HACD3: variants seen among roughly 807,000 people sequenced by gnomAD.
HACD3 encodes the protein very-long-chain (3R)-3-hydroxyacyl-CoA dehydratase 3.
In HACD3, 30 loss-of-function variants were observed where a neutral mutation model predicts 55.2. The observed-to-expected ratio is 0.54, with a 90% CI of 0.41 to 0.74. The LOEUF (loss-of-function observed/expected upper bound fraction) is 0.74, where lower values mean the gene tolerates loss of function less well. HACD3 is among the 30% of genes least tolerant of loss of function. The pLI is 0.00. For missense variants in HACD3, 363 were observed against 440.1 expected (o/e 0.82, Z 1.57); for synonymous variants, 141 against 151.7 (o/e 0.93, Z 0.52).
At chr15:65,562,684 A>G in intron 5 of HACD3, 90 bp from the exon 6 acceptor site, 4 of 1,477,092 alleles carry the variant, frequency 2.7e-6, no homozygotes, top group Non-Finnish European at 3.6e-6. Flanking sequence ...GGAAGGAAAA[A>G]GGGTTGAAGT....
At position 65,556,984 on chromosome 15, in the gene HACD3, C is replaced by G. The variant is rs990969423; in HGVS notation, c.369+81C>G. ...TATTCAGGCCACTTCAGATACCTCT[C>G]GGTCTGAAAGAATAGCTACAAAGTT... On this transcript the variant is annotated intron_variant, in intron 4 of 10. Coordinates refer to ENST00000261875, the MANE Select transcript of HACD3 (RefSeq NM_016395.4). 3.8e-6 allele frequency: 5 copies of G among 1,326,128 alleles called. No individual in the cohort carries two copies. The African/African-American group carries it at 5.9e-5, about 16-fold the overall frequency. The allele number at this position is 1,326,128 out of a possible 1,614,324, so 82.1% of individuals were successfully genotyped here. A position where few individuals can be genotyped will look rare whatever the true frequency, so the allele number is the denominator to read the frequency against.
intron 4 of HACD3, 34 bp from the exon 5 acceptor site, chr15:65,558,646 T>C: frequency 6.4e-7 from 1 of 1,567,512 alleles, no homozygotes; most frequent in Non-Finnish European, 8.7e-7. Flanking sequence ...GAATTCTAAC[T>C]TGTGTTCTTG....
chr15:65,536,206 G>A (rs987379553), intron 1 of HACD3, among the ~76,000 whole-genome samples: 3 of 151,638 alleles, frequency 2.0e-5, no homozygotes, highest in Non-Finnish European at 2.9e-5. Context: ...TTGTAGAGAC[G>A]AGGTTGGTCT....
At chr15:65,530,768 T>C in intron 1 of HACD3, 50 bp downstream of exon 1, 1 of 1,493,056 alleles carries the variant, frequency 6.7e-7, no homozygotes, top group East Asian at 2.6e-5. Flanking sequence ...CGGCTCCGGG[T>C]ACCCGCCAGG....
At chr15:65,544,349 A>G (rs867361008) in intron 1 of HACD3, among the ~76,000 whole-genome samples, 7 of 152,196 alleles carry the variant, frequency 4.6e-5, no homozygotes, top group Non-Finnish European at 2.9e-5. Context: ...CAGGTGATCA[A>G]ATTGGATAGA....
At chr15:65,530,845 G>C in intron 1 of HACD3, 127 bp downstream of exon 1, 1 of 925,596 alleles carries the variant, frequency 1.1e-6, no homozygotes, top group Admixed American at 3.1e-5. Flanking sequence ...TCGGCGACGC[G>C]GTGCGCTTAC....
At chr15:65,533,650 G>T (rs1477310830) in intron 1 of HACD3, among the ~76,000 whole-genome samples, 4 of 150,812 alleles carry the variant, frequency 2.7e-5, no homozygotes, top group African/African-American at 4.9e-5. Context: ...TGCTTCTGGA[G>T]TGTCACGGGT....
At position 65,547,252 on chromosome 15, in the gene HACD3, G is replaced by A. The variant is rs2072086804; in HGVS notation, c.88-4424G>A. On this transcript the variant is annotated intron_variant, in intron 1 of 10. Coordinates refer to ENST00000261875, the MANE Select transcript of HACD3 (RefSeq NM_016395.4). ...CTGCCTCAGCCTCTTGAGTAGCTGG[G>A]ATTACAGGCGCACGCCATCATGCCT... Among the ~76,000 whole-genome samples, 4 of 152,232 alleles carry A rather than the reference G, an allele frequency of 2.6e-5. No individual in the cohort carries two copies. In the South Asian group the frequency reaches 8.3e-4, roughly 32 times the overall value.
At chr15:65,556,331 A>G (rs114597995) in intron 3 of HACD3, among the ~76,000 whole-genome samples, 1 of 152,152 alleles carries the variant, frequency 6.6e-6, no homozygotes, top group African/African-American at 2.4e-5. Flanking sequence ...ATCAGGCATT[A>G]TAGTCTCATA....
intron 1 of HACD3, among the ~76,000 whole-genome samples, chr15:65,536,924 T>C (rs927558249): frequency 3.9e-5 from 6 of 152,162 alleles, no homozygotes; most frequent in African/African-American, 1.4e-4. Flanking sequence ...AAGTTGTGAA[T>C]GCAAAGAAAC....
At chr15:65,549,101 C>A (rs574838475) in intron 1 of HACD3, among the ~76,000 whole-genome samples, 1 of 147,924 alleles carries the variant, frequency 6.8e-6, no homozygotes, top group East Asian at 2.0e-4. Context: ...GTAGATTGAG[C>A]TTTCTAATAA....
chr15:65,549,439 A>G (rs865869660), intron 1 of HACD3, among the ~76,000 whole-genome samples: 3 of 94,972 alleles, frequency 3.2e-5, no homozygotes, highest in African/African-American at 1.5e-4. Context: ...AAAAAAAAAA[A>G]AAAAAAAAAA....
chr15:65,571,393 G>A (rs140749238), intron 8 of HACD3, among the ~76,000 whole-genome samples, 155 bp from the exon 9 acceptor site: 3 of 152,298 alleles, frequency 2.0e-5, no homozygotes, highest in Non-Finnish European at 4.4e-5. Context: ...GGCGCAGTGT[G>A]GCAGGAGTTT....
intron 1 of HACD3, among the ~76,000 whole-genome samples, chr15:65,541,798 A>G (rs973816196): frequency 2.6e-5 from 4 of 152,248 alleles, no homozygotes; most frequent in African/African-American, 7.2e-5. Flanking sequence ...CATACACCCA[A>G]TTGAGTATTA....
chr15:65,555,041 G>A (rs768156495), intron 3 of HACD3, 81 bp downstream of exon 3: 34 of 1,118,948 alleles, frequency 3.0e-5, no homozygotes, highest in Middle Eastern at 4.1e-4. Context: ...AGCAGGGTTT[G>A]TGGAGAGAAG....
chr15:65,533,397 C>G (rs2071921624), intron 1 of HACD3, among the ~76,000 whole-genome samples: 1 of 152,172 alleles, frequency 6.6e-6, no homozygotes, highest in East Asian at 1.9e-4. Context: ...GGCAGGGAGA[C>G]TAGTATAAGA....
intron 1 of HACD3, among the ~76,000 whole-genome samples, chr15:65,549,215 T>C (rs1356965289): frequency 6.6e-6 from 1 of 152,160 alleles, no homozygotes; most frequent in Non-Finnish European, 1.5e-5. Flanking sequence ...GAAACTGCTT[T>C]TGCCTTGCGA....
chr15:65,530,772 C>G (rs1008360926), intron 1 of HACD3, 54 bp downstream of exon 1: 1 of 1,474,272 alleles, frequency 6.8e-7, no homozygotes, highest in East Asian at 2.7e-5. Flanking sequence ...TCCGGGTACC[C>G]GCCAGGACCC....
chr15:65,542,827 G>A (rs957999007), intron 1 of HACD3, among the ~76,000 whole-genome samples: 1 of 151,942 alleles, frequency 6.6e-6, no homozygotes. Flanking sequence ...TGTAATCTCA[G>A]CACTTTGGGA....
Sources: gnomAD v4.1 joint callset for allele counts (sites outside exome capture counted in the v4.1 genomes callset) on GRCh38, gnomAD v4.1.1 for gene constraint, MANE v1.5 for transcripts, NCBI Gene and HGNC (gene_info 2026-07-23, HGNC 2026-07-21) for gene names.